DCLK2: variants seen among roughly 807,000 people sequenced by gnomAD.
The protein encoded by DCLK2 is serine/threonine-protein kinase DCLK2.
Under a neutral mutation model 78.4 loss-of-function variants are expected in DCLK2, and 31 were observed. The observed-to-expected ratio is 0.40, with a 90% CI of 0.30 to 0.53. The LOEUF (loss-of-function observed/expected upper bound fraction) is 0.53. Ranked by LOEUF, DCLK2 falls within the 20% of genes least tolerant of loss-of-function variation. The pLI, the probability that DCLK2 is intolerant of heterozygous loss-of-function variation, is 0.61. For missense variants in DCLK2, 872 were observed against 973.7 expected (o/e 0.90, Z 1.39); for synonymous variants, 407 against 374.9 (o/e 1.09, Z -0.99).
intron 12 of DCLK2, among the ~76,000 whole-genome samples, chr4:150,246,184 A>G (rs1743293829): frequency 1.3e-5 from 2 of 152,120 alleles, no homozygotes; most frequent in Admixed American, 6.5e-5. Context: ...AGCTGGGATT[A>G]CAGGTGCGCA....
chr4:150,207,304 C>T (rs1448094739), intron 5 of DCLK2, among the ~76,000 whole-genome samples: 1 of 152,156 alleles, frequency 6.6e-6, no homozygotes, highest in Non-Finnish European at 1.5e-5. Flanking sequence ...GGATTTTATT[C>T]ACTAGGGAAC....
At position 150,079,170 on chromosome 4, in the gene DCLK2, C is replaced by G. The variant is rs758634571; in HGVS notation, c.143C>G (p.Pro48Arg). The G allele has an allele frequency of 6.2e-7, 1 of 1,608,572 alleles. No individual in the cohort carries two copies. Among genetic ancestry groups the G allele is most frequent in the Non-Finnish European group, 8.5e-7 (1 of 1,177,438 alleles). The part of the protein sequence containing the change: ...GPKGNGLIPS[P>R]AHSAHCSFYR... The stretch of plus-strand genomic sequence containing the variant: ...AAGGGGAACGGGCTCATCCCCAGTC[C>G]GGCGCACAGTGCCCACTGCAGCTTC... The change falls in exon 1 of 16, where the codon CCG (proline) becomes CGG (arginine). Residue 48 changes from proline (P) to arginine (R), a missense_variant. This residue lies in a region of DCLK2 where 567 missense variants were observed against 593.4 expected (regional missense o/e 0.96). Coordinates refer to ENST00000296550, the MANE Select transcript of DCLK2 (RefSeq NM_001040260.4).
chr4:150,092,887 A>G (rs1384949750), intron 1 of DCLK2, among the ~76,000 whole-genome samples: 1 of 152,210 alleles, frequency 6.6e-6, no homozygotes, highest in Non-Finnish European at 1.5e-5. Context: ...GAACAAGGCA[A>G]GGATGCCCAC....
intron 1 of DCLK2, among the ~76,000 whole-genome samples, chr4:150,082,041 G>A (rs1264717526): frequency 1.3e-5 from 2 of 150,892 alleles, no homozygotes; most frequent in African/African-American, 4.9e-5. Flanking sequence ...AAAGAATCAC[G>A]AATGCTTACT....
chr4:150,136,452 T>C (rs1323619917), intron 2 of DCLK2, among the ~76,000 whole-genome samples: 3 of 152,156 alleles, frequency 2.0e-5, no homozygotes, highest in Non-Finnish European at 4.4e-5. Context: ...AAGCCTTAAC[T>C]GAAGAGGGGA....
intron 1 of DCLK2, among the ~76,000 whole-genome samples, chr4:150,089,684 T>G (rs1487217609): frequency 6.6e-6 from 1 of 152,238 alleles, no homozygotes; most frequent in Non-Finnish European, 1.5e-5. Context: ...TTAGGTATGC[T>G]TATGTATATA....
At chr4:150,152,578 G>A (rs1016157836) in intron 2 of DCLK2, among the ~76,000 whole-genome samples, 2 of 152,146 alleles carry the variant, frequency 1.3e-5, no homozygotes, top group African/African-American at 4.8e-5. Context: ...CACTGTGCCG[G>A]GCCTGATTTT....
At chr4:150,096,090 A>G (rs1370079521) in intron 1 of DCLK2, among the ~76,000 whole-genome samples, 2 of 152,202 alleles carry the variant, frequency 1.3e-5, no homozygotes, top group Non-Finnish European at 2.9e-5. Context: ...AGGCCCAGAC[A>G]TGGGGCTCTT....
chr4:150,155,863 G>A (rs1326272049), intron 2 of DCLK2, among the ~76,000 whole-genome samples: 1 of 152,160 alleles, frequency 6.6e-6, no homozygotes, highest in African/African-American at 2.4e-5. Flanking sequence ...GGGAATTGAT[G>A]TCATGAATGA....
intron 2 of DCLK2, among the ~76,000 whole-genome samples, chr4:150,106,861 G>GTTA (rs1311087399): frequency 1.3e-5 from 2 of 152,134 alleles, no homozygotes; most frequent in African/African-American, 4.8e-5. Context: ...GTCTGACTTC[G>GTTA]TTATTAAAAC....
At chr4:150,085,835 A>T (rs1004697136) in intron 1 of DCLK2, among the ~76,000 whole-genome samples, 5 of 152,192 alleles carry the variant, frequency 3.3e-5, no homozygotes, top group Non-Finnish European at 7.3e-5. Context: ...TTCTGTTTAT[A>T]AGTCACTCTG....
At chr4:150,153,464 G>C (rs1735035360) in intron 2 of DCLK2, among the ~76,000 whole-genome samples, 2 of 151,980 alleles carry the variant, frequency 1.3e-5, no homozygotes, top group African/African-American at 4.8e-5. Flanking sequence ...CTAGGCCGGA[G>C]TGCAGTGGTA....
chr4:150,252,976 A>G (rs1302745850), intron 15 of DCLK2, among the ~76,000 whole-genome samples: 1 of 152,110 alleles, frequency 6.6e-6, no homozygotes, highest in Non-Finnish European at 1.5e-5. Flanking sequence ...CTGTCCCAAA[A>G]AGTGGGAGGG....
chr4:150,098,474 A>G (rs1730624121), intron 1 of DCLK2, among the ~76,000 whole-genome samples: 1 of 152,196 alleles, frequency 6.6e-6, no homozygotes, highest in Non-Finnish European at 1.5e-5. Flanking sequence ...ACTTATGAAA[A>G]AAATACATAT....
chr4:150,233,471 A>G (rs1343942162), intron 10 of DCLK2, among the ~76,000 whole-genome samples: 1 of 152,240 alleles, frequency 6.6e-6, no homozygotes, highest in East Asian at 1.9e-4. Flanking sequence ...ATTATTTTAT[A>G]GGGCAGAAAA....
intron 2 of DCLK2, among the ~76,000 whole-genome samples, chr4:150,115,431 A>G (rs557205725): frequency 4.1e-4 from 62 of 152,276 alleles, no homozygotes; most frequent in Admixed American, 3.0e-3. Flanking sequence ...AAGGTGTTAT[A>G]GAACCCTGTT....
rs372440483 is a variant in DCLK2, at chr4:150,152,561, C to T, written c.757-40577C>T. The stretch of plus-strand genomic sequence containing the variant: ...CCTCCCACAGTGCTGGGATGACAGG[C>T]TTGAGCCACTGTGCCGGGCCTGATT... On this transcript the variant is annotated intron_variant, in intron 2 of 15. Transcript: ENST00000296550. Among the ~76,000 whole-genome samples, 64 of 152,342 alleles carry T rather than the reference C, an allele frequency of 4.2e-4. 2 individuals carry two copies. In the South Asian group the frequency reaches 0.013, roughly 31 times the overall value.
intron 15 of DCLK2, among the ~76,000 whole-genome samples, chr4:150,250,756 A>G (rs910416266): frequency 6.6e-6 from 1 of 151,640 alleles, no homozygotes; most frequent in African/African-American, 2.4e-5. Flanking sequence ...GAAGGGAAAC[A>G]GTGGCATATT....
At chr4:150,196,667 CA>C (rs11381700) in intron 3 of DCLK2, among the ~76,000 whole-genome samples, 8 of 146,670 alleles carry the variant, frequency 5.5e-5, no homozygotes, top group African/African-American at 1.5e-4. Flanking sequence ...TTCACTGGGG[CA>C]AAAAAAAAAA....
Sources: gnomAD v4.1 joint callset for allele counts (sites outside exome capture counted in the v4.1 genomes callset) on GRCh38, gnomAD v4.1.1 for gene constraint, gnomAD v4.1.1 regional missense constraint, MANE v1.5 for transcripts, NCBI Gene and HGNC (gene_info 2026-07-23, HGNC 2026-07-21) for gene names.